GSG1L: variants seen among roughly 807,000 people sequenced by gnomAD.
The protein encoded by GSG1L is GSG1 like.
GSG1L carries 24 observed loss-of-function variants against 42.1 expected under a neutral mutation model. The ratio of observed to expected loss-of-function variants is 0.57; its 90% CI spans 0.41 to 0.80. The LOEUF (loss-of-function observed/expected upper bound fraction) is 0.80, where lower values mean the gene tolerates loss of function less well. GSG1L is among the 30% of genes least tolerant of loss of function. The pLI, the probability that GSG1L is intolerant of heterozygous loss-of-function variation, is 0.00. For synonymous variants in GSG1L, 215 were observed against 203.5 expected (o/e 1.06, Z -0.48); for missense variants, 445 against 472.2 (o/e 0.94, Z 0.53).
rs143352424 is a variant in GSG1L at position 27,977,197 on chromosome 16, C to T, written c.350-13994G>A. 2.5e-3 allele frequency among the ~76,000 whole-genome samples: 383 copies of T among 152,330 alleles called. 4 individuals carry two copies. The highest frequency in any genetic ancestry group is 8.6e-3 in the African/African-American group (357 of 41,580). ...GCAGAGTGACCTACCCAAGGTGACA[C>T]AGCCACTATGTGGCAGAATCAGGAT... is the stretch of plus-strand genomic sequence containing the variant. On this transcript the variant is annotated intron_variant, in intron 1 of 6. Transcript: ENST00000447459.
At chr16:27,894,365 A>G (rs11646124) in intron 2 of GSG1L, among the ~76,000 whole-genome samples, 9,908 of 152,326 alleles carry the variant, frequency 0.065, 425 homozygotes, top group Admixed American at 0.11. Flanking sequence ...GAACAAGTGC[A>G]TTATCAGCCA....
chr16:27,988,718 T>A (rs1159801870), intron 1 of GSG1L, among the ~76,000 whole-genome samples: 2 of 150,218 alleles, frequency 1.3e-5, no homozygotes, highest in African/African-American at 2.5e-5. Flanking sequence ...AGAGAGAAAA[T>A]TATTTTGTTT....
rs530444183 is a variant in GSG1L at position 27,846,677 on chromosome 16, G to A, written c.551-1616C>T. Among the ~76,000 whole-genome samples, 364 of 152,250 alleles carry A rather than the reference G, an allele frequency of 2.4e-3. 1 individual carries two copies. Among genetic ancestry groups the A allele is most frequent in the African/African-American group, 8.1e-3 (335 of 41,550 alleles). On this transcript the variant is annotated intron_variant, in intron 3 of 6. Coordinates refer to ENST00000447459, the MANE Select transcript of GSG1L (RefSeq NM_001109763.2). ...TCTGCTTCAAAATCTGACCCTGGCCGGGCACGGTGGCTCATGCCTGTAATC... is the reference window on the plus strand; with the variant it reads ...TCTGCTTCAAAATCTGACCCTGGCCAGGCACGGTGGCTCATGCCTGTAATC...
chr16:27,937,670 T>C (rs567491766), intron 2 of GSG1L, among the ~76,000 whole-genome samples: 10 of 152,326 alleles, frequency 6.6e-5, no homozygotes, highest in African/African-American at 2.2e-4. Context: ...TCCTAAGTCC[T>C]TGGCACCATC....
At chr16:27,825,077 A>T (rs905355162) in intron 5 of GSG1L, among the ~76,000 whole-genome samples, 1 of 152,186 alleles carries the variant, frequency 6.6e-6, no homozygotes, top group African/African-American at 2.4e-5. Context: ...ACACCGAGCA[A>T]TCACATCCTC....
chr16:27,977,100 G>A (rs73521032), intron 1 of GSG1L, among the ~76,000 whole-genome samples: 1,751 of 152,198 alleles, frequency 0.012, 34 homozygotes, highest in African/African-American at 0.04. Context: ...AGGACTTGGC[G>A]TTCATCACAG....
At chr16:27,814,214 C>T (rs1013869876) in intron 5 of GSG1L, among the ~76,000 whole-genome samples, 8 of 152,098 alleles carry the variant, frequency 5.3e-5, no homozygotes, top group Non-Finnish European at 7.4e-5. Context: ...TGGGCTCAAG[C>T]GATCCTCCCA....
intron 3 of GSG1L, among the ~76,000 whole-genome samples, chr16:27,853,124 A>G (rs1171568425): frequency 6.6e-6 from 1 of 152,220 alleles, no homozygotes; most frequent in African/African-American, 2.4e-5. Context: ...TCATGAGACC[A>G]ATCGGCTGGG....
chr16:27,941,600 G>C, intron 2 of GSG1L, among the ~76,000 whole-genome samples: 1 of 145,446 alleles, frequency 6.9e-6, no homozygotes, highest in Non-Finnish European at 1.5e-5. Flanking sequence ...TGAACCCCGG[G>C]AGGCAGAGGT....
chr16:27,896,138 C>G (rs560522717), intron 2 of GSG1L, among the ~76,000 whole-genome samples: 2 of 152,158 alleles, frequency 1.3e-5, no homozygotes, highest in Non-Finnish European at 2.9e-5. Flanking sequence ...TAGGGGGTCA[C>G]TCCAATGGGT....
chr16:27,920,258 A>G (rs1363748), intron 2 of GSG1L, among the ~76,000 whole-genome samples: 42,312 of 152,176 alleles, frequency 0.28, 6,244 homozygotes, highest in African/African-American at 0.33. Flanking sequence ...TGGTGTGCCT[A>G]CTGTATCTTT....
At chr16:28,042,939 A>T (rs1243903155) in intron 1 of GSG1L, among the ~76,000 whole-genome samples, 1 of 152,198 alleles carries the variant, frequency 6.6e-6, no homozygotes, top group East Asian at 1.9e-4. Context: ...AAAAGGAGCT[A>T]AAAATGCAAA....
intron 2 of GSG1L, among the ~76,000 whole-genome samples, chr16:27,924,919 C>A (rs953776524): frequency 6.6e-6 from 1 of 152,108 alleles, no homozygotes; most frequent in African/African-American, 2.4e-5. Flanking sequence ...GAGTAAGAGA[C>A]CTTCCCCAGT....
chr16:27,836,660 T>C (rs549493303), intron 4 of GSG1L, among the ~76,000 whole-genome samples: 1 of 152,336 alleles, frequency 6.6e-6, no homozygotes. Context: ...TTGAGCTTTC[T>C]ATTTTGGTTA....
chr16:27,792,902 G>A (rs974209608), intron 6 of GSG1L, among the ~76,000 whole-genome samples: 5 of 152,238 alleles, frequency 3.3e-5, no homozygotes, highest in Non-Finnish European at 5.9e-5. Flanking sequence ...TGAGGGAGCC[G>A]AGGCTCTGTA....
In GSG1L at chr16:27,787,782, T is replaced by C. The variant is rs897665516; in HGVS notation, c.*3588A>G. ...CCACTCGCCAACTTCAGAAGGACCC[T>C]GGGTGAGAACAAGAGCTCCTAGATG... On this transcript the variant is annotated 3_prime_UTR_variant, in exon 7 of 7. Transcript: ENST00000447459. 2 of 152,204 alleles carry C rather than the reference T, an allele frequency of 1.3e-5. No homozygotes were observed. The highest frequency in any genetic ancestry group is 1.9e-4 in the East Asian group (1 of 5,196). The allele number at this position is 152,204 out of a possible 1,614,324, so 9.4% of individuals were successfully genotyped here. A position where few individuals can be genotyped will look rare whatever the true frequency, so the allele number is the denominator to read the frequency against.
intron 3 of GSG1L, among the ~76,000 whole-genome samples, chr16:27,860,328 G>T (rs2083631823): frequency 6.6e-6 from 1 of 152,220 alleles, no homozygotes; most frequent in East Asian, 1.9e-4. Flanking sequence ...GGCAGGAAGA[G>T]GTGCAGGAGC....
intron 4 of GSG1L, among the ~76,000 whole-genome samples, chr16:27,837,504 G>A (rs1567478331): frequency 6.6e-6 from 1 of 152,218 alleles, no homozygotes; most frequent in Non-Finnish European, 1.5e-5. Context: ...GGGCCAGGGG[G>A]CCTCATCCCT....
At chr16:27,853,557 C>T (rs1469552420) in intron 3 of GSG1L, among the ~76,000 whole-genome samples, 1 of 152,190 alleles carries the variant, frequency 6.6e-6, no homozygotes, top group Non-Finnish European at 1.5e-5. Flanking sequence ...AGGTGCCCCC[C>T]AACCTTGTCT....
Sources: allele counts gnomAD v4.1 joint callset (sites outside exome capture counted in the v4.1 genomes callset), GRCh38; gene constraint gnomAD v4.1.1; transcripts MANE v1.5; gene names NCBI Gene and HGNC (gene_info 2026-07-23, HGNC 2026-07-21).